Variants in ECT2L observed in about 807,000 individuals in gnomAD.
ECT2L encodes the protein epithelial cell-transforming sequence 2 oncogene-like.
A neutral mutation model predicts 122.8 loss-of-function variants in ECT2L; 126 were observed. That is an observed-to-expected ratio of 1.03 (90% CI 0.89 to 1.19). The LOEUF is 1.19. Among genes scored for constraint, ECT2L ranks in the 50% most tolerant of loss-of-function variants. The pLI, the probability that ECT2L is intolerant of heterozygous loss-of-function variation, is 0.00. For missense variants in ECT2L, 1,012 were observed against 1,064.1 expected (o/e 0.95, Z 0.68); for synonymous variants, 385 against 381.8 (o/e 1.01, Z -0.10).
At chr6:138,808,729 CT>C (rs748228059) in intron 1 of ECT2L, among the ~76,000 whole-genome samples, 1,299 of 92,494 alleles carry the variant, frequency 0.014, 8 homozygotes, top group Middle Eastern at 0.064. Flanking sequence ...TTTCTCTTTT[CT>C]TTTTTTTTTT....
At chr6:138,809,234 T>A (rs998726914) in intron 1 of ECT2L, among the ~76,000 whole-genome samples, 2 of 152,208 alleles carry the variant, frequency 1.3e-5, no homozygotes, top group African/African-American at 4.8e-5. Flanking sequence ...TTTGCTGAGA[T>A]CTTTTTGTCA....
chr6:138,881,587 C>A (rs570709517), intron 15 of ECT2L, among the ~76,000 whole-genome samples: 1 of 151,688 alleles, frequency 6.6e-6, no homozygotes, highest in Non-Finnish European at 1.5e-5. Context: ...ATACAACTCA[C>A]CATAATGTAA....
At chr6:138,798,717 C>G (rs1775427776) in intron 1 of ECT2L, among the ~76,000 whole-genome samples, 1 of 152,168 alleles carries the variant, frequency 6.6e-6, no homozygotes, top group African/African-American at 2.4e-5. Flanking sequence ...ACATCCGTAG[C>G]AGTTGTTAAA....
intron 6 of ECT2L, among the ~76,000 whole-genome samples, 157 bp from the exon 7 acceptor site, chr6:138,844,255 G>A (rs767085629): frequency 1.3e-5 from 2 of 152,202 alleles, no homozygotes; most frequent in Non-Finnish European, 2.9e-5. Flanking sequence ...GTGCCAAGAG[G>A]ATGAGAAATC....
chr6:138,802,869 G>C (rs1303426514), intron 1 of ECT2L, among the ~76,000 whole-genome samples: 11 of 152,002 alleles, frequency 7.2e-5, no homozygotes, highest in Non-Finnish European at 1.6e-4. Context: ...TTGAGGCCAG[G>C]AGTTCGAGAC....
At chr6:138,841,489 T>C (rs1380694182) in intron 5 of ECT2L, among the ~76,000 whole-genome samples, 1 of 152,208 alleles carries the variant, frequency 6.6e-6, no homozygotes, top group Non-Finnish European at 1.5e-5. Flanking sequence ...TTAAGTATTA[T>C]CCTTCCTGAA....
chr6:138,815,418 T>G (rs1323401092), intron 4 of ECT2L, among the ~76,000 whole-genome samples: 2 of 152,058 alleles, frequency 1.3e-5, no homozygotes, highest in African/African-American at 4.8e-5. Context: ...CTTGCCTGGG[T>G]GTGGTTGAAG....
rs1776920850 is a variant in ECT2L, at chr6:138,838,429, CTCTATATA to C, written c.261_268del (p.Tyr88PhefsTer23). 1 of 1,613,870 alleles carries C rather than the reference CTCTATATA, an allele frequency of 6.2e-7. No homozygotes were observed. The highest frequency in any genetic ancestry group is 8.5e-7 in the Non-Finnish European group (1 of 1,179,986). ...TCTACAGTGTTACCACGCTTCATTT[CTCTATATA>C]TCTTTTCCTTTTTGAGTCCGAAAGA... is the stretch of plus-strand genomic sequence containing the variant. On this transcript the variant is annotated frameshift_variant, in exon 5 of 22. Transcript: ENST00000541398. LOFTEE classifies it high-confidence loss of function.
intron 3 of ECT2L, 66 bp downstream of exon 3, chr6:138,813,406 G>A: frequency 2.4e-6 from 3 of 1,239,136 alleles, no homozygotes; most frequent in South Asian, 2.8e-5. Flanking sequence ...TGATATATTG[G>A]GTCTCATGTT....
chr6:138,884,110 C>T (rs1265107493), intron 16 of ECT2L, among the ~76,000 whole-genome samples: 1 of 152,184 alleles, frequency 6.6e-6, no homozygotes, highest in South Asian at 2.1e-4. Flanking sequence ...AAGCAATCTG[C>T]CCAACTCTGT....
rs753192084 is a variant in ECT2L at position 138,902,803 on chromosome 6, T to C, written c.*176T>C. Reference sequence around the variant, plus strand: ...AAACTTTATCACTTGTGCTCACTTATGTAGAATGTATAAGTACATTTTGAG... The same window carrying C: ...AAACTTTATCACTTGTGCTCACTTACGTAGAATGTATAAGTACATTTTGAG... On this transcript the variant is annotated 3_prime_UTR_variant, in exon 22 of 22. Transcript: ENST00000541398. 2.7e-4 allele frequency: 191 copies of C among 709,012 alleles called. No individual in the cohort carries two copies. The highest frequency in any genetic ancestry group is 6.2e-4 in the Middle Eastern group (2 of 3,206). 43.9% of individuals were successfully genotyped at this position (709,012 alleles called of 1,614,324 possible).
chr6:138,887,967 C>T (rs115838529), intron 19 of ECT2L, among the ~76,000 whole-genome samples: 55 of 152,316 alleles, frequency 3.6e-4, no homozygotes, highest in African/African-American at 1.3e-3. Context: ...AAACTGGGAG[C>T]TCCATCATGT....
At chr6:138,804,590 C>T (rs1775652028) in intron 1 of ECT2L, among the ~76,000 whole-genome samples, 1 of 151,858 alleles carries the variant, frequency 6.6e-6, no homozygotes, top group South Asian at 2.1e-4. Flanking sequence ...TAAACACACA[C>T]ACACACACAC....
chr6:138,888,128 T>C (rs566632893), intron 19 of ECT2L, among the ~76,000 whole-genome samples: 1 of 152,282 alleles, frequency 6.6e-6, no homozygotes, highest in Admixed American at 6.5e-5. Context: ...GTCATAATTT[T>C]GGTCTGGACA....
At chr6:138,847,885 T>C (rs1367944288) in intron 8 of ECT2L, among the ~76,000 whole-genome samples, 1 of 152,086 alleles carries the variant, frequency 6.6e-6, no homozygotes, top group Non-Finnish European at 1.5e-5. Context: ...ATACCCAAGA[T>C]TGGGTAATTT....
rs1252369769 is a variant in ECT2L at position 138,885,817 on chromosome 6, G to C, written c.2246G>C (p.Gly749Ala). 1 of 1,613,758 alleles carries C rather than the reference G, an allele frequency of 6.2e-7. No individual in the cohort carries two copies. ...ATTGACCAAATCAAAAAATATAAAG[G>C]TTATATAGATCAGGTTGGTTGCTGA... ...TAIDQIKKYK[G>A]YIDQMKQNIT... The change falls in exon 18 of 22, where the codon GGT (glycine) becomes GCT (alanine). Residue 749 changes from glycine (G) to alanine (A), a missense_variant. Transcript: ENST00000541398.
In ECT2L at chr6:138,807,572, C is replaced by T. The variant is rs548713357; in HGVS notation, c.-243-5266C>T. Among the ~76,000 whole-genome samples, 4 of 152,306 alleles carry T rather than the reference C, an allele frequency of 2.6e-5. No individual in the cohort carries two copies. The East Asian group carries it at 7.7e-4, about 29-fold the overall frequency. On this transcript the variant is annotated intron_variant, in intron 1 of 21. Transcript: ENST00000541398. ...TTTAATTTCCACTTGCTTCCCAGTCCCAAAGCCAGTATCATAGGTTTTCAG... is the reference window on the plus strand; with the variant it reads ...TTTAATTTCCACTTGCTTCCCAGTCTCAAAGCCAGTATCATAGGTTTTCAG...
At chr6:138,836,599 G>A (rs1776848791) in intron 4 of ECT2L, among the ~76,000 whole-genome samples, 1 of 151,830 alleles carries the variant, frequency 6.6e-6, no homozygotes, top group Admixed American at 6.6e-5. Context: ...CTTACCTGAA[G>A]CAATTATTAC....
intron 9 of ECT2L, among the ~76,000 whole-genome samples, chr6:138,852,898 T>C (rs1203153485): frequency 6.6e-6 from 1 of 152,200 alleles, no homozygotes; most frequent in African/African-American, 2.4e-5. Flanking sequence ...TCAGCCTTTT[T>C]GTTCTCCAGG....
Sources: gnomAD v4.1 joint callset for allele counts (sites outside exome capture counted in the v4.1 genomes callset) on GRCh38, gnomAD v4.1.1 for gene constraint, MANE v1.5 for transcripts, NCBI Gene and HGNC (gene_info 2026-07-23, HGNC 2026-07-21) for gene names.